The following SLC7A2 variants were observed in gnomAD, a reference collection of about 807,000 sequenced individuals.
SLC7A2 encodes solute carrier family 7 member 2.
In SLC7A2, 48 loss-of-function variants were observed where a neutral mutation model predicts 58.9. The ratio of observed to expected loss-of-function variants is 0.82; its 90% confidence interval spans 0.65 to 1.04. The LOEUF is 1.04. SLC7A2 is among the 50% of genes least tolerant of loss of function. SLC7A2 has a pLI of 0.00. For synonymous variants in SLC7A2, 363 were observed against 314.5 expected, an observed-to-expected ratio of 1.15 and a Z score of -1.63; for missense variants, 1,029 against 818.8, an observed-to-expected ratio of 1.26 and a Z score of -3.13.
chr8:17,513,790 C>G lies in SLC7A2; in HGVS notation c.-23+11488C>G, dbSNP rs1008901331. Reference sequence around the variant, plus strand: ...TGACCAAGCAAAATTGACTTTTTGTCCCACTTACAACAGCGCTAAGAGGGA... The same window carrying G: ...TGACCAAGCAAAATTGACTTTTTGTGCCACTTACAACAGCGCTAAGAGGGA... On this transcript the variant is annotated intron_variant, in intron 2 of 12. Transcript: ENST00000494857. 4.6e-5 allele frequency among the ~76,000 whole-genome samples: 7 copies of G among 152,144 alleles called. No homozygotes were observed. The East Asian group carries it at 1.3e-3, about 29-fold the overall frequency.
In SLC7A2 at chr8:17,569,783, G is replaced by A. The variant is rs1206551221; in HGVS notation, c.*4637G>A. The A allele has an allele frequency of 6.6e-6, 1 of 152,080 alleles. No individual in the cohort carries two copies. The highest frequency in any genetic ancestry group is 1.5e-5 in the Non-Finnish European group (1 of 68,026). The allele number at this position is 152,080 out of a possible 1,614,324, so 9.4% of individuals were successfully genotyped here. On this transcript the variant is annotated 3_prime_UTR_variant, in exon 13 of 13. Coordinates refer to ENST00000494857, the MANE Select transcript of SLC7A2 (RefSeq NM_001370338.1). ...TTATACTTAACTTTGATTCACCATG[G>A]TTGATGCCACTGCCATGATCGCTGG...
intron 2 of SLC7A2, among the ~76,000 whole-genome samples, chr8:17,508,204 A>G (rs1304235894): frequency 6.6e-6 from 1 of 152,160 alleles, no homozygotes; most frequent in Non-Finnish European, 1.5e-5. Context: ...CTTGGCAGAA[A>G]ATTCCTGTTG....
intron 2 of SLC7A2, among the ~76,000 whole-genome samples, chr8:17,521,341 T>C (rs1451559514): frequency 6.6e-6 from 1 of 152,230 alleles, no homozygotes; most frequent in African/African-American, 2.4e-5. Context: ...TTCTTCGGAA[T>C]TGGTGGCAAG....
intron 2 of SLC7A2, among the ~76,000 whole-genome samples, chr8:17,540,540 G>A (rs1319721529): frequency 1.3e-5 from 2 of 151,974 alleles, no homozygotes; most frequent in African/African-American, 4.8e-5. Flanking sequence ...AGAAGCAGTA[G>A]AAATCATATC....
chr8:17,540,586 C>T (rs112312645), intron 2 of SLC7A2, among the ~76,000 whole-genome samples: 15 of 152,180 alleles, frequency 9.9e-5, no homozygotes, highest in African/African-American at 3.4e-4. Context: ...TATAAGCAGT[C>T]CTGCTTCCTG....
At position 17,531,236 on chromosome 8, in the gene SLC7A2, T is replaced by C. The variant is rs1801438937; in HGVS notation, c.-22-12082T>C. ...AGCAAGAGCGGGGAGGAAGGGAGTT[T>C]CTCTCTCTTCTTACAGTCTTCTTAT... On this transcript the variant is annotated intron_variant, in intron 2 of 12. Coordinates refer to ENST00000494857, the MANE Select transcript of SLC7A2 (RefSeq NM_001370338.1). 2.0e-5 allele frequency among the ~76,000 whole-genome samples: 3 copies of C among 152,314 alleles called. No homozygotes were observed. In the South Asian group the frequency reaches 6.2e-4, roughly 32 times the overall value.
At position 17,568,588 on chromosome 8, in the gene SLC7A2, G is replaced by T. The variant is rs1243245664; in HGVS notation, c.*3442G>T. On this transcript the variant is annotated 3_prime_UTR_variant, in exon 13 of 13. Transcript: ENST00000494857. ...TTTCTTTTAATTTCTATGAATAAAA[G>T]AAATTTTTAAAAACTTTAAAATTTT... is the stretch of plus-strand genomic sequence containing the variant. 1 of 152,028 alleles carries T rather than the reference G, an allele frequency of 6.6e-6. No homozygotes were observed. The highest frequency in any genetic ancestry group is 2.4e-5 in the African/African-American group (1 of 41,406). 9.4% of individuals were successfully genotyped at this position (152,028 alleles called of 1,614,324 possible).
At chr8:17,528,298 C>T (rs2720496) in intron 2 of SLC7A2, among the ~76,000 whole-genome samples, 78,125 of 152,006 alleles carry the variant, frequency 0.51, 20,314 homozygotes, top group Middle Eastern at 0.59. Flanking sequence ...TTATATTTGC[C>T]TCCCTACATC....
Position 17,543,571 on chromosome 8 carries a change from G to T in SLC7A2, c.232G>T (p.Ala78Ser). The change falls in exon 3 of 13, where the codon GCT (alanine) becomes TCT (serine). Residue 78 changes from alanine (A) to serine (S), a missense_variant. By Grantham distance (99) the Ala-to-Ser change is moderately conservative (BLOSUM62 1). Transcript: ENST00000494857. ...IVVSFLIAAL[A>S]SVMAGLCYAE... is the part of the protein sequence containing the mutation. ...GGTGTCCTTCCTCATTGCTGCCCTGGCTTCAGTGATGGCTGGCCTCTGCTA... is the reference window on the plus strand; with the variant it reads ...GGTGTCCTTCCTCATTGCTGCCCTGTCTTCAGTGATGGCTGGCCTCTGCTA... The T allele has an allele frequency of 6.2e-7, 1 of 1,611,360 alleles. No individual in the cohort carries two copies. The highest frequency in any genetic ancestry group is 8.5e-7 in the Non-Finnish European group (1 of 1,178,690).
chr8:17,529,524 G>T (rs973522829), intron 2 of SLC7A2, among the ~76,000 whole-genome samples: 44 of 120,832 alleles, frequency 3.6e-4, no homozygotes, highest in Middle Eastern at 8.9e-3. Flanking sequence ...TTTTGGTTTT[G>T]TTTTTTTGTT....
At chr8:17,538,856 A>G in intron 2 of SLC7A2, 1 of 1,613,808 alleles carries the variant, frequency 6.2e-7, no homozygotes, top group Non-Finnish European at 8.5e-7. Context: ...TATAACTCAG[A>G]CAAACTAATT....
chr8:17,541,715 A>G (rs1444610694), intron 2 of SLC7A2, among the ~76,000 whole-genome samples: 2 of 152,232 alleles, frequency 1.3e-5, no homozygotes, highest in Non-Finnish European at 2.9e-5. Context: ...TCTTTTGCAT[A>G]TAAGTTGTAC....
intron 2 of SLC7A2, among the ~76,000 whole-genome samples, chr8:17,503,109 G>A (rs901307490): frequency 6.6e-6 from 1 of 151,868 alleles, no homozygotes; most frequent in African/African-American, 2.4e-5. Context: ...GGAGTGCAGT[G>A]GCGCGATCTC....
chr8:17,503,090 A>G (rs1391831387), intron 2 of SLC7A2, among the ~76,000 whole-genome samples: 1 of 151,946 alleles, frequency 6.6e-6, no homozygotes, highest in Non-Finnish European at 1.5e-5. Context: ...TCACTCTGTC[A>G]CCCAGGCTGG....
At chr8:17,531,454 A>G (rs1293860880) in intron 2 of SLC7A2, among the ~76,000 whole-genome samples, 2 of 152,138 alleles carry the variant, frequency 1.3e-5, no homozygotes, top group African/African-American at 4.8e-5. Flanking sequence ...ATATGGATAT[A>G]TTTTTTAAAT....
chr8:17,514,057 T>G (rs1435018756), intron 2 of SLC7A2, among the ~76,000 whole-genome samples: 1 of 152,170 alleles, frequency 6.6e-6, no homozygotes, highest in Non-Finnish European at 1.5e-5. Flanking sequence ...ATAGTCTTAG[T>G]TCTTCTCTAC....
At position 17,566,345 on chromosome 8, in the gene SLC7A2, T is replaced by G. The variant is rs554320993; in HGVS notation, c.*1199T>G. The G allele has an allele frequency of 2.0e-5, 3 of 152,316 alleles. No individual in the cohort carries two copies. Among genetic ancestry groups the G allele is most frequent in the African/African-American group, 7.2e-5 (3 of 41,572 alleles). 9.4% of individuals were successfully genotyped at this position (152,316 alleles called of 1,614,324 possible). On this transcript the variant is annotated 3_prime_UTR_variant, in exon 13 of 13. Transcript: ENST00000494857. ...AGAAGAGAAAATCCCCCTGTTCTGA[T>G]AGGAACGGCCTGTTCCATTGTTAAA...
At chr8:17,529,445 G>T (rs1373635002) in intron 2 of SLC7A2, among the ~76,000 whole-genome samples, 1 of 152,138 alleles carries the variant, frequency 6.6e-6, no homozygotes, top group Non-Finnish European at 1.5e-5. Flanking sequence ...AGGACACATT[G>T]TATAAGCAAG....
chr8:17,537,220 C>G (rs898649369), intron 2 of SLC7A2, among the ~76,000 whole-genome samples: 2 of 152,094 alleles, frequency 1.3e-5, no homozygotes, highest in African/African-American at 4.8e-5. Flanking sequence ...CCATGCCTGG[C>G]TAATTTTTGT....
Sources: allele counts gnomAD v4.1 joint callset (sites outside exome capture counted in the v4.1 genomes callset), GRCh38; gene constraint gnomAD v4.1.1; transcripts MANE v1.5; gene names NCBI Gene and HGNC (gene_info 2026-07-23, HGNC 2026-07-21).